CNTNAP2: variants seen among roughly 807,000 people sequenced by gnomAD.
CNTNAP2 encodes the protein contactin associated protein 2.
Under a neutral mutation model 155.2 loss-of-function variants are expected in CNTNAP2, and 98 were observed. That is an observed-to-expected ratio of 0.63 (90% CI 0.54 to 0.75). CNTNAP2 has a LOEUF of 0.75. CNTNAP2 is among the 30% of genes least tolerant of loss of function. The pLI is 0.00. For synonymous variants in CNTNAP2, 651 were observed against 631.2 expected (o/e 1.03, Z -0.47); for missense variants, 1,727 against 1,688.1 (o/e 1.02, Z -0.40).
Position 147,759,893 on chromosome 7 carries a change from C to T in CNTNAP2, c.2098+120587C>T, listed in dbSNP as rs564279653. Among the ~76,000 whole-genome samples, 7 of 152,264 alleles carry T rather than the reference C, an allele frequency of 4.6e-5. No homozygotes were observed. In the South Asian group the frequency reaches 1.5e-3, roughly 32 times the overall value. On this transcript the variant is annotated intron_variant, in intron 13 of 23. Coordinates refer to ENST00000361727, the MANE Select transcript of CNTNAP2 (RefSeq NM_014141.6). ...GTAAGCAACCTAGACAGACTAGATACACCCCGTAAAAAGGATGCCACAGAA... is the reference window on the plus strand; with the variant it reads ...GTAAGCAACCTAGACAGACTAGATATACCCCGTAAAAAGGATGCCACAGAA...
At chr7:147,418,201 A>T (rs1369286876) in intron 10 of CNTNAP2, among the ~76,000 whole-genome samples, 1 of 152,234 alleles carries the variant, frequency 6.6e-6, no homozygotes, top group Non-Finnish European at 1.5e-5. Flanking sequence ...TAAAAGATTC[A>T]TTGATGGAAA....
At chr7:147,567,649 T>C (rs1439451852) in intron 12 of CNTNAP2, among the ~76,000 whole-genome samples, 6 of 152,254 alleles carry the variant, frequency 3.9e-5, no homozygotes, top group Non-Finnish European at 8.8e-5. Context: ...GGTAACCACA[T>C]GACATGGAGC....
At chr7:146,255,858 A>C (rs1002019667) in intron 1 of CNTNAP2, among the ~76,000 whole-genome samples, 4 of 152,204 alleles carry the variant, frequency 2.6e-5, no homozygotes, top group Non-Finnish European at 4.4e-5. Flanking sequence ...GGAATTCATC[A>C]TGAGACAGAG....
chr7:146,835,410 A>G (rs2129199554), intron 2 of CNTNAP2, among the ~76,000 whole-genome samples: 1 of 152,270 alleles, frequency 6.6e-6, no homozygotes, highest in East Asian at 1.9e-4. Flanking sequence ...TGGCTATAAA[A>G]TTTCTTCAAG....
intron 8 of CNTNAP2, among the ~76,000 whole-genome samples, chr7:147,152,918 G>A (rs1168132655): frequency 6.6e-6 from 1 of 152,088 alleles, no homozygotes; most frequent in Non-Finnish European, 1.5e-5. Flanking sequence ...TAGTAAGTCT[G>A]ATGTTCATTC....
In CNTNAP2 at chr7:147,758,021, A is replaced by G. The variant is rs1797241676; in HGVS notation, c.2098+118715A>G. 2.0e-5 allele frequency among the ~76,000 whole-genome samples: 3 copies of G among 152,220 alleles called. No individual in the cohort carries two copies. In the South Asian group the frequency reaches 6.2e-4, roughly 31 times the overall value. ...ATTAGGAAATAGAAAAACTGTGATG[A>G]AAGAAAAATAGGGAATTTATTTACA... On this transcript the variant is annotated intron_variant, in intron 13 of 23. Transcript: ENST00000361727.
chr7:148,197,565 A>G (rs1015282806), intron 18 of CNTNAP2, among the ~76,000 whole-genome samples: 1 of 152,242 alleles, frequency 6.6e-6, no homozygotes, highest in African/African-American at 2.4e-5. Context: ...GAAATAAGGC[A>G]TTGGAGTTCA....
intron 1 of CNTNAP2, among the ~76,000 whole-genome samples, chr7:146,737,520 A>AT (rs1801640883): frequency 1.3e-5 from 2 of 152,124 alleles, no homozygotes; most frequent in Non-Finnish European, 2.9e-5. Context: ...ATGAGATGGA[A>AT]CAGGTATAAC....
Position 146,195,805 on chromosome 7 carries a change from G to C in CNTNAP2, c.97+78832G>C, listed in dbSNP as rs115278219. Among the ~76,000 whole-genome samples, 13 of 152,234 alleles carry C rather than the reference G, an allele frequency of 8.5e-5. No individual in the cohort carries two copies. The South Asian group carries it at 1.4e-3, about 17-fold the overall frequency. The stretch of plus-strand genomic sequence containing the variant: ...CCTTGGCCCTTTGCCTACAACGCAC[G>C]CCTCAGAATGATGTCAGCATTTGAA... On this transcript the variant is annotated intron_variant, in intron 1 of 23. Coordinates refer to ENST00000361727, the MANE Select transcript of CNTNAP2 (RefSeq NM_014141.6).
chr7:147,802,807 G>A (rs1385013114), intron 13 of CNTNAP2, among the ~76,000 whole-genome samples: 1 of 149,870 alleles, frequency 6.7e-6, no homozygotes, highest in Non-Finnish European at 1.5e-5. Flanking sequence ...GAGAGGGAGA[G>A]GGAGAGGGAG....
chr7:147,937,082 C>CTGA (rs10699223), intron 14 of CNTNAP2, among the ~76,000 whole-genome samples: 16,262 of 151,770 alleles, frequency 0.11, 1,471 homozygotes, highest in African/African-American at 0.25. Flanking sequence ...TCCCTTCTAC[C>CTGA]TGATGGTGCT....
chr7:146,707,087 C>A (rs912020262), intron 1 of CNTNAP2, among the ~76,000 whole-genome samples: 3 of 152,110 alleles, frequency 2.0e-5, no homozygotes, highest in Non-Finnish European at 4.4e-5. Context: ...TCACAACATT[C>A]AATCATTATT....
intron 3 of CNTNAP2, among the ~76,000 whole-genome samples, chr7:146,922,555 C>G (rs1303274903): frequency 6.6e-6 from 1 of 151,972 alleles, no homozygotes; most frequent in Non-Finnish European, 1.5e-5. Flanking sequence ...GATAAATATC[C>G]TAAAGACCTA....
chr7:148,204,343 G>A (rs905203877), intron 18 of CNTNAP2, among the ~76,000 whole-genome samples: 1 of 152,176 alleles, frequency 6.6e-6, no homozygotes, highest in Non-Finnish European at 1.5e-5. Flanking sequence ...CAGAGATAAC[G>A]AGGAAAACCA....
At chr7:146,379,786 G>C (rs1206844229) in intron 1 of CNTNAP2, among the ~76,000 whole-genome samples, 1 of 151,946 alleles carries the variant, frequency 6.6e-6, no homozygotes, top group African/African-American at 2.4e-5. Context: ...CATGTGGGAC[G>C]ATAATTTGGG....
At position 148,075,077 on chromosome 7, in the gene CNTNAP2, G is replaced by A. The variant is rs553345205; in HGVS notation, c.2384-43041G>A. Among the ~76,000 whole-genome samples the A allele has an allele frequency of 2.6e-5, 4 of 152,178 alleles. No individual in the cohort carries two copies. The South Asian group carries it at 6.2e-4, about 24-fold the overall frequency. ...CTTCCCATTTTTTCATAGCTAAACT[G>A]TCAATATTTTTACCTTAACTTCCTA... On this transcript the variant is annotated intron_variant, in intron 15 of 23. Coordinates refer to ENST00000361727, the MANE Select transcript of CNTNAP2 (RefSeq NM_014141.6).
chr7:146,386,154 A>G (rs1400946259), intron 1 of CNTNAP2, among the ~76,000 whole-genome samples: 2 of 152,128 alleles, frequency 1.3e-5, no homozygotes, highest in Admixed American at 1.3e-4. Flanking sequence ...AAATATATTT[A>G]CTAGTATTTC....
chr7:146,406,131 T>C (rs1420939808), intron 1 of CNTNAP2, among the ~76,000 whole-genome samples: 1 of 152,226 alleles, frequency 6.6e-6, no homozygotes, highest in Non-Finnish European at 1.5e-5. Flanking sequence ...TATATGCTAA[T>C]AGAAAAATGC....
Position 146,541,789 on chromosome 7 carries a change from A to T in CNTNAP2, c.98-232482A>T, listed in dbSNP as rs140028101. On this transcript the variant is annotated intron_variant, in intron 1 of 23. Transcript: ENST00000361727. Reference sequence around the variant, plus strand: ...GGAGACAAGAAGCACATTATGTCATAAAGGCAATAGGAATCTTGCAAGTAA... The same window carrying T: ...GGAGACAAGAAGCACATTATGTCATTAAGGCAATAGGAATCTTGCAAGTAA... Among the ~76,000 whole-genome samples, 51 of 152,136 alleles carry T rather than the reference A, an allele frequency of 3.4e-4. No homozygotes were observed. The East Asian group carries it at 7.8e-3, about 23-fold the overall frequency.
Sources: allele counts gnomAD v4.1 joint callset (sites outside exome capture counted in the v4.1 genomes callset), GRCh38; gene constraint gnomAD v4.1.1; transcripts MANE v1.5; gene names NCBI Gene and HGNC (gene_info 2026-07-23, HGNC 2026-07-21).